TRIM44: variants seen among roughly 807,000 people sequenced by gnomAD.
The protein encoded by TRIM44 is tripartite motif containing 44.
In TRIM44, 13 loss-of-function variants were observed where a neutral mutation model predicts 37.4. The observed-to-expected ratio is 0.35, with a 90% CI of 0.23 to 0.55. The LOEUF (loss-of-function observed/expected upper bound fraction) is 0.55, where lower values mean the gene tolerates loss of function less well. Among genes scored for constraint, TRIM44 ranks in the 20% least tolerant of loss-of-function variants. The pLI is 0.89. For missense variants in TRIM44, 426 were observed against 437.2 expected (o/e 0.97, Z 0.23); for synonymous variants, 175 against 157.2 (o/e 1.11, Z -0.85).
intron 4 of TRIM44, among the ~76,000 whole-genome samples, chr11:35,746,446 CTTTT>C (rs5791065): frequency 2.1e-5 from 2 of 93,190 alleles, no homozygotes; most frequent in Non-Finnish European, 3.9e-5. Context: ...GGGGGTCCTT[CTTTT>C]TTTTTTTTTT....
At chr11:35,790,005 AC>A (rs962016222) in intron 4 of TRIM44, among the ~76,000 whole-genome samples, 2 of 152,184 alleles carry the variant, frequency 1.3e-5, no homozygotes, top group African/African-American at 4.8e-5. Flanking sequence ...TTTGGGTGCC[AC>A]AGAAGAGCCG....
rs149680762 is a variant in TRIM44, at chr11:35,730,564, A to G, written c.987+4401A>G. ...AGAGTCAAACTTCTGAAAACTAATG[A>G]CAAAGAAAAAAAATCTTGAAAGCAG... On this transcript the variant is annotated intron_variant, in intron 3 of 4. Coordinates refer to ENST00000299413, the MANE Select transcript of TRIM44 (RefSeq NM_017583.6). Among the ~76,000 whole-genome samples, 279 of 152,316 alleles carry G rather than the reference A, an allele frequency of 1.8e-3. 2 individuals are homozygous for G. Among genetic ancestry groups the G allele is most frequent in the African/African-American group, 6.4e-3 (268 of 41,578 alleles).
rs1158624758 is a variant in TRIM44, at chr11:35,663,585, G to A, written c.474G>A (p.Glu158=). 3 of 1,614,132 alleles carry A rather than the reference G, an allele frequency of 1.9e-6. No homozygotes were observed. Among genetic ancestry groups the A allele is most frequent in the Non-Finnish European group, 2.5e-6 (3 of 1,180,034 alleles). The change falls in exon 1 of 5, where the codon GAG becomes GAA. Residue 158 remains glutamate (E), a synonymous_variant. Coordinates refer to ENST00000299413, the MANE Select transcript of TRIM44 (RefSeq NM_017583.6). ...AATCCGAGGCGGAGGGAGAAACTGAGGCAGAAAGTGAATTTGACCCAGAAA... is the reference window on the plus strand; with the variant it reads ...AATCCGAGGCGGAGGGAGAAACTGAAGCAGAAAGTGAATTTGACCCAGAAA... ...EGESEAEGET[E]AESEFDPEIE... is the part of the protein sequence containing the mutation.
At chr11:35,758,972 T>C (rs1419873060) in intron 4 of TRIM44, among the ~76,000 whole-genome samples, 1 of 152,224 alleles carries the variant, frequency 6.6e-6, no homozygotes, top group African/African-American at 2.4e-5. Flanking sequence ...CTGACAGTTA[T>C]GTGTCTTGGA....
intron 2 of TRIM44, among the ~76,000 whole-genome samples, chr11:35,709,866 A>G (rs1851944254): frequency 6.6e-6 from 1 of 152,230 alleles, no homozygotes; most frequent in Admixed American, 6.5e-5. Context: ...GTCTAATTGA[A>G]AAATGAACAA....
intron 4 of TRIM44, among the ~76,000 whole-genome samples, chr11:35,767,801 A>G (rs1171661545): frequency 6.6e-6 from 1 of 152,178 alleles, no homozygotes; most frequent in Non-Finnish European, 1.5e-5. Flanking sequence ...TGTTTCATCC[A>G]TGCAATGCAG....
At chr11:35,702,590 C>G (rs1004507395) in intron 2 of TRIM44, among the ~76,000 whole-genome samples, 1 of 152,192 alleles carries the variant, frequency 6.6e-6, no homozygotes, top group Non-Finnish European at 1.5e-5. Flanking sequence ...AAGTAAGACC[C>G]TCCCTAAGGC....
Position 35,753,204 on chromosome 11 carries a change from G to T in TRIM44, c.1007+17759G>T, listed in dbSNP as rs577973843. Among the ~76,000 whole-genome samples, 9 of 151,388 alleles carry T rather than the reference G, an allele frequency of 5.9e-5. No individual in the cohort carries two copies. The South Asian group carries it at 1.7e-3, about 28-fold the overall frequency. ...ATGGGGATAATAAGGTGATACAATT[G>T]GGGGGGGAGTTAAATGAGCAAATGT... On this transcript the variant is annotated intron_variant, in intron 4 of 4. Transcript: ENST00000299413.
At chr11:35,708,884 A>G (rs1851926868) in intron 2 of TRIM44, among the ~76,000 whole-genome samples, 1 of 152,116 alleles carries the variant, frequency 6.6e-6, no homozygotes, top group Non-Finnish European at 1.5e-5. Flanking sequence ...CACATTGTGC[A>G]CATGTACCCT....
At chr11:35,692,520 CT>C (rs1183359504) in intron 2 of TRIM44, among the ~76,000 whole-genome samples, 1 of 152,150 alleles carries the variant, frequency 6.6e-6, no homozygotes. Flanking sequence ...ATCTGAAATG[CT>C]TCAGTGAGCG....
At chr11:35,666,367 G>A (rs1347275519) in intron 1 of TRIM44, among the ~76,000 whole-genome samples, 1 of 152,156 alleles carries the variant, frequency 6.6e-6, no homozygotes, top group Non-Finnish European at 1.5e-5. Flanking sequence ...GTGTTGGCCA[G>A]TTTTGGCACT....
At chr11:35,710,171 G>A (rs1182353969) in intron 2 of TRIM44, among the ~76,000 whole-genome samples, 1 of 152,136 alleles carries the variant, frequency 6.6e-6, no homozygotes, top group Non-Finnish European at 1.5e-5. Flanking sequence ...TATTAAGTTA[G>A]GTTACAGTTC....
At chr11:35,712,652 C>T (rs1017459887) in intron 2 of TRIM44, among the ~76,000 whole-genome samples, 2 of 152,146 alleles carry the variant, frequency 1.3e-5, no homozygotes, top group African/African-American at 4.8e-5. Context: ...CCTCCTGCTC[C>T]AGCTCCTCTC....
At position 35,702,329 on chromosome 11, in the gene TRIM44, G is replaced by A. The variant is rs895628749; in HGVS notation, c.747+16993G>A. ...CAGCGAGGGTGTGGGCGGCCCGTGC[G>A]CATCCACCGTTCTTTGACCCTATCC... On this transcript the variant is annotated intron_variant, in intron 2 of 4. Coordinates refer to ENST00000299413, the MANE Select transcript of TRIM44 (RefSeq NM_017583.6). Among the ~76,000 whole-genome samples the A allele has an allele frequency of 5.3e-5, 8 of 152,212 alleles. No homozygotes were observed. The South Asian group carries it at 6.2e-4, about 12-fold the overall frequency.
intron 2 of TRIM44, among the ~76,000 whole-genome samples, chr11:35,709,135 A>G (rs978622877): frequency 3.9e-5 from 6 of 152,136 alleles, no homozygotes; most frequent in African/African-American, 1.4e-4. Flanking sequence ...AACTAAGCTG[A>G]AAGATTAGCA....
At chr11:35,687,405 C>G (rs891342229) in intron 2 of TRIM44, among the ~76,000 whole-genome samples, 2 of 152,172 alleles carry the variant, frequency 1.3e-5, no homozygotes, top group Admixed American at 1.3e-4. Flanking sequence ...ATCAACTTTC[C>G]TAGCTCAAAG....
intron 4 of TRIM44, among the ~76,000 whole-genome samples, chr11:35,762,654 A>AT (rs897549721): frequency 5.3e-5 from 8 of 152,212 alleles, no homozygotes; most frequent in African/African-American, 1.4e-4. Context: ...TACATAATTA[A>AT]GAACCAAATA....
chr11:35,750,159 T>G (rs906368045), intron 4 of TRIM44, among the ~76,000 whole-genome samples: 13 of 152,228 alleles, frequency 8.5e-5, no homozygotes, highest in African/African-American at 2.9e-4. Context: ...GAAACAAATT[T>G]GATCAAGTGT....
chr11:35,715,653 T>C (rs1852031591), intron 2 of TRIM44, among the ~76,000 whole-genome samples: 1 of 151,740 alleles, frequency 6.6e-6, no homozygotes, highest in African/African-American at 2.4e-5. Context: ...AGATAGGGGG[T>C]GTATTAGTCC....
Sources: gnomAD v4.1 joint callset for allele counts (sites outside exome capture counted in the v4.1 genomes callset) on GRCh38, gnomAD v4.1.1 for gene constraint, MANE v1.5 for transcripts, NCBI Gene and HGNC (gene_info 2026-07-23, HGNC 2026-07-21) for gene names.